The following SMURF2 variants were observed in gnomAD, a reference collection of about 807,000 sequenced individuals.
SMURF2 encodes the protein E3 ubiquitin-protein ligase SMURF2.
SMURF2 carries 48 observed loss-of-function variants against 109.6 expected under a neutral mutation model. That is an observed-to-expected ratio of 0.44 (90% CI 0.35 to 0.56). The LOEUF is 0.56. Among genes scored for constraint, SMURF2 ranks in the 20% least tolerant of loss-of-function variants. SMURF2 has a pLI of 0.01. For synonymous variants in SMURF2, 288 were observed against 317.1 expected (o/e 0.91, Z 0.97); for missense variants, 575 against 909.0 (o/e 0.63, Z 4.72).
intron 1 of SMURF2, among the ~76,000 whole-genome samples, chr17:64,650,300 C>G (rs570882391): frequency 6.7e-6 from 1 of 149,904 alleles, no homozygotes; most frequent in South Asian, 2.1e-4. Flanking sequence ...GCCTCCTAGA[C>G]AGCAGGGATT....
intron 1 of SMURF2, among the ~76,000 whole-genome samples, chr17:64,620,808 G>A (rs192263166): frequency 1.7e-4 from 26 of 152,214 alleles, no homozygotes; most frequent in African/African-American, 5.8e-4. Context: ...AACATAATAT[G>A]CAAATACTTG....
intron 6 of SMURF2, among the ~76,000 whole-genome samples, chr17:64,585,655 C>T (rs1476092097): frequency 1.3e-5 from 2 of 152,140 alleles, no homozygotes; most frequent in Non-Finnish European, 2.9e-5. Context: ...GTGCTTATAA[C>T]AGTATCTGCC....
At chr17:64,601,978 A>G (rs1223525394) in intron 2 of SMURF2, among the ~76,000 whole-genome samples, 7 of 151,306 alleles carry the variant, frequency 4.6e-5, no homozygotes, top group African/African-American at 1.7e-4. Flanking sequence ...CCACATATAC[A>G]TACATACACC....
intron 1 of SMURF2, among the ~76,000 whole-genome samples, chr17:64,646,063 T>C (rs1205029300): frequency 6.6e-6 from 1 of 151,748 alleles, no homozygotes; most frequent in Non-Finnish European, 1.5e-5. Context: ...CTTCACTATT[T>C]CTTATAATTT....
At position 64,613,713 on chromosome 17, in the gene SMURF2, T is replaced by TGTGA. The variant is rs1555689816; in HGVS notation, c.53-7074_53-7073insTCAC. Among the ~76,000 whole-genome samples the TGTGA allele has an allele frequency of 1.1e-3, 146 of 130,142 alleles. 1 individual carries two copies. Among genetic ancestry groups the TGTGA allele is most frequent in the South Asian group, 1.8e-3 (7 of 3,786 alleles). The allele number at this position is 130,142 out of a possible 152,430, so 85.4% of individuals were successfully genotyped here. A position where few individuals can be genotyped will look rare whatever the true frequency, so the allele number is the denominator to read the frequency against. On this transcript the variant is annotated intron_variant, in intron 1 of 18. Transcript: ENST00000262435. ...GTGTGTGTGTGTGTGTGTGTGTGTG[T>TGTGA]GTGTGTGTGTGTGTGTGTGTGTGTG...
chr17:64,598,975 GAAAC>G (rs1313756218), intron 2 of SMURF2, among the ~76,000 whole-genome samples: 1 of 152,114 alleles, frequency 6.6e-6, no homozygotes, highest in Admixed American at 6.6e-5. Context: ...AAATCAGACT[GAAAC>G]AAAAGATGTA....
intron 1 of SMURF2, among the ~76,000 whole-genome samples, chr17:64,631,279 G>GGGA (rs1970338627): frequency 1.3e-4 from 1 of 7,440 alleles, no homozygotes; most frequent in Non-Finnish European, 2.9e-4. Flanking sequence ...AGAGGGGGGG[G>GGGA]GGGAGAGAGA....
intron 9 of SMURF2, chr17:64,573,175 A>G (rs1282362081): frequency 1.9e-4 from 2 of 10,390 alleles, no homozygotes; most frequent in Non-Finnish European, 1.5e-4. Flanking sequence ...GAGGAGGAGG[A>G]GGGGGAGGAG....
intron 12 of SMURF2, among the ~76,000 whole-genome samples, chr17:64,558,227 C>T (rs1424392747): frequency 6.6e-6 from 1 of 152,016 alleles, no homozygotes; most frequent in Non-Finnish European, 1.5e-5. Flanking sequence ...AGGCGAAATC[C>T]CATCTCTACA....
At chr17:64,546,751 C>T (rs1968959365) in intron 17 of SMURF2, among the ~76,000 whole-genome samples, 1 of 152,160 alleles carries the variant, frequency 6.6e-6, no homozygotes, top group South Asian at 2.1e-4. Context: ...GCAAAAGAGC[C>T]GTCTATAGAA....
chr17:64,553,364 G>C (rs782199711), intron 15 of SMURF2, among the ~76,000 whole-genome samples: 1 of 151,968 alleles, frequency 6.6e-6, no homozygotes, highest in Non-Finnish European at 1.5e-5. Flanking sequence ...AAAGTTGCCA[G>C]GTGTGGTTGT....
intron 1 of SMURF2, among the ~76,000 whole-genome samples, chr17:64,619,919 C>T (rs1208240434): frequency 2.0e-5 from 3 of 152,140 alleles, no homozygotes; most frequent in African/African-American, 7.2e-5. Flanking sequence ...TTAATTGAGT[C>T]CCAATCTGTT....
At chr17:64,626,550 G>A (rs1424517352) in intron 1 of SMURF2, among the ~76,000 whole-genome samples, 1 of 152,074 alleles carries the variant, frequency 6.6e-6, no homozygotes, top group East Asian at 1.9e-4. Context: ...ATCATTTGAG[G>A]TCAGGAGTTC....
intron 5 of SMURF2, among the ~76,000 whole-genome samples, chr17:64,589,527 G>A (rs541286049): frequency 4.6e-5 from 7 of 151,778 alleles, no homozygotes; most frequent in Admixed American, 2.0e-4. Context: ...TTAGGAACCC[G>A]GCCGCACAAC....
rs193256524 is a variant in SMURF2 at position 64,600,183 on chromosome 17, G to A, written c.92-1693C>T. 2.0e-5 allele frequency among the ~76,000 whole-genome samples: 3 copies of A among 152,268 alleles called. No individual in the cohort carries two copies. In the East Asian group the frequency reaches 5.8e-4, roughly 29 times the overall value. ...TAGGATGAAAAGACCCTGAATGAGG[G>A]AAGTCATGTGGAAAGGGAAAGGAAA... On this transcript the variant is annotated intron_variant, in intron 2 of 18. Transcript: ENST00000262435.
At chr17:64,637,229 C>T (rs1316492321) in intron 1 of SMURF2, among the ~76,000 whole-genome samples, 4 of 151,602 alleles carry the variant, frequency 2.6e-5, no homozygotes, top group East Asian at 3.9e-4. Context: ...CAGGTTCAAG[C>T]GATTCTCTTG....
intron 10 of SMURF2, among the ~76,000 whole-genome samples, chr17:64,570,625 C>G (rs1033698595): frequency 6.6e-6 from 1 of 152,156 alleles, no homozygotes; most frequent in Non-Finnish European, 1.5e-5. Context: ...TCACAGGCAG[C>G]TGAAGCCAGA....
intron 1 of SMURF2, among the ~76,000 whole-genome samples, chr17:64,648,868 T>C (rs1321144951): frequency 6.6e-6 from 1 of 152,204 alleles, no homozygotes; most frequent in Admixed American, 6.5e-5. Flanking sequence ...GCCGTTTTAC[T>C]TTTCCTTATA....
Position 64,545,663 on chromosome 17 carries a change from T to C in SMURF2, c.*185A>G, listed in dbSNP as rs1415201084. ...TGGCAAAGCATAAAGACCTTTTTTT[T>C]CCTTGAAAAGGAATTTCAAAATTGT... On this transcript the variant is annotated 3_prime_UTR_variant, in exon 19 of 19. Coordinates refer to ENST00000262435, the MANE Select transcript of SMURF2 (RefSeq NM_022739.4). 7 of 453,758 alleles carry C rather than the reference T, an allele frequency of 1.5e-5. No homozygotes were observed. The highest frequency in any genetic ancestry group is 1.0e-4 in the African/African-American group (5 of 49,490). The allele number at this position is 453,758 out of a possible 1,614,324, so 28.1% of individuals were successfully genotyped here.
Sources: allele counts gnomAD v4.1 joint callset (sites outside exome capture counted in the v4.1 genomes callset), GRCh38; gene constraint gnomAD v4.1.1; transcripts MANE v1.5; gene names NCBI Gene and HGNC (gene_info 2026-07-23, HGNC 2026-07-21).